Variants in FOXN3 observed in about 807,000 individuals in gnomAD.
The protein encoded by FOXN3 is forkhead box protein N3.
Under a neutral mutation model 38.4 loss-of-function variants are expected in FOXN3, and 7 were observed. That is an observed-to-expected ratio of 0.18 (90% CI 0.10 to 0.34). FOXN3 has a LOEUF of 0.34. FOXN3 is among the 10% of genes least tolerant of loss of function. The pLI is 1.00. For missense variants in FOXN3, 456 were observed against 613.4 expected (o/e 0.74, Z 2.71); for synonymous variants, 230 against 242.2 (o/e 0.95, Z 0.47).
intron 1 of FOXN3, among the ~76,000 whole-genome samples, chr14:89,532,318 G>A (rs958644175): frequency 1.1e-4 from 17 of 152,292 alleles, no homozygotes; most frequent in African/African-American, 4.1e-4. Context: ...TCTTCCAAGA[G>A]ACATCATCAG....
chr14:89,277,712 C>T (rs751202463), intron 4 of FOXN3, among the ~76,000 whole-genome samples: 4 of 152,144 alleles, frequency 2.6e-5, no homozygotes, highest in Admixed American at 6.5e-5. Flanking sequence ...AACCAAACAA[C>T]GATTTGACAA....
In FOXN3 at chr14:89,184,571, A is replaced by G. The variant is rs539523233; in HGVS notation, c.746-3765T>C. Among the ~76,000 whole-genome samples, 76 of 152,364 alleles carry G rather than the reference A, an allele frequency of 5.0e-4. 1 individual carries two copies. Among genetic ancestry groups the G allele is most frequent in the African/African-American group, 1.7e-3 (70 of 41,598 alleles). On this transcript the variant is annotated intron_variant, in intron 4 of 5. Transcript: ENST00000557258. ...CTCACGGAACCCTCAGGGATGAGGT[A>G]TACTGCAGTGGTTAAGAGTGTGAGC...
At chr14:89,426,900 C>T (rs2140110587) in intron 1 of FOXN3, among the ~76,000 whole-genome samples, 1 of 152,136 alleles carries the variant, frequency 6.6e-6, no homozygotes, top group South Asian at 2.1e-4. Context: ...AAGGACAGGA[C>T]CCGTGGGGTA....
chr14:89,225,612 T>A (rs894503463), intron 4 of FOXN3, among the ~76,000 whole-genome samples: 7 of 151,974 alleles, frequency 4.6e-5, no homozygotes, highest in East Asian at 3.9e-4. Flanking sequence ...TCAAAAAAAA[T>A]AAAAATAAAA....
intron 4 of FOXN3, among the ~76,000 whole-genome samples, chr14:89,198,414 C>G (rs1220345837): frequency 6.6e-6 from 1 of 152,002 alleles, no homozygotes; most frequent in Non-Finnish European, 1.5e-5. Context: ...CCATGGATAC[C>G]GAGGGATGAC....
intron 1 of FOXN3, among the ~76,000 whole-genome samples, chr14:89,427,953 T>C (rs1162088254): frequency 5.9e-5 from 9 of 152,182 alleles, no homozygotes; most frequent in African/African-American, 2.2e-4. Flanking sequence ...CCAAAGTTTT[T>C]AAGAGATTTT....
intron 1 of FOXN3, among the ~76,000 whole-genome samples, chr14:89,441,483 C>T (rs1026038044): frequency 6.6e-6 from 1 of 152,216 alleles, no homozygotes; most frequent in Non-Finnish European, 1.5e-5. Flanking sequence ...ACCAACGGAA[C>T]ACATTGCCTT....
At chr14:89,256,016 G>A (rs529414819) in intron 4 of FOXN3, among the ~76,000 whole-genome samples, 2 of 152,206 alleles carry the variant, frequency 1.3e-5, no homozygotes, top group East Asian at 3.9e-4. Context: ...GGGCAGGGTG[G>A]AGGTGGGTCT....
chr14:89,305,997 T>C (rs1458025863), intron 3 of FOXN3, among the ~76,000 whole-genome samples: 3 of 152,244 alleles, frequency 2.0e-5, no homozygotes, highest in Non-Finnish European at 4.4e-5. Context: ...TTAAAATACA[T>C]ATATATTTGC....
chr14:89,453,559 CA>C lies in FOXN3; in HGVS notation c.-14-41070del, dbSNP rs35296047. On this transcript the variant is annotated intron_variant, in intron 1 of 6. Coordinates refer to the FOXN3 transcript ENST00000345097. ...TGGGCGACACAGCAAGACTCCGTCT[CA>C]AAAAAAAAAAAAAAAAAAAGCTGCA... Among the ~76,000 whole-genome samples, 168 of 72,746 alleles carry C rather than the reference CA, an allele frequency of 2.3e-3. 1 individual carries two copies. In the East Asian group the frequency reaches 0.042, roughly 18 times the overall value. 47.7% of individuals were successfully genotyped at this position (72,746 alleles called of 152,430 possible). A position where few individuals can be genotyped will look rare whatever the true frequency, so the allele number is the denominator to read the frequency against.
chr14:89,341,255 C>T (rs1454563116), intron 3 of FOXN3, among the ~76,000 whole-genome samples: 1 of 152,202 alleles, frequency 6.6e-6, no homozygotes, highest in African/African-American at 2.4e-5. Context: ...ATGTGCCTGG[C>T]ACACTGTCAG....
intron 5 of FOXN3, among the ~76,000 whole-genome samples, chr14:89,179,538 T>C (rs1887609138): frequency 6.6e-6 from 1 of 152,138 alleles, no homozygotes; most frequent in African/African-American, 2.4e-5. Flanking sequence ...ACAGGCTTTT[T>C]CTAAACAAGC....
chr14:89,369,189 G>A (rs1006399459), intron 2 of FOXN3, among the ~76,000 whole-genome samples: 1 of 152,154 alleles, frequency 6.6e-6, no homozygotes, highest in Non-Finnish European at 1.5e-5. Flanking sequence ...TCCAAAAACA[G>A]CCAGCTTTTG....
intron 3 of FOXN3, among the ~76,000 whole-genome samples, chr14:89,296,907 G>T (rs749535093): frequency 9.9e-5 from 15 of 152,164 alleles, no homozygotes; most frequent in Non-Finnish European, 2.1e-4. Context: ...AAAGTGCTGG[G>T]ATTACAGATG....
At chr14:89,185,829 G>A (rs568245136) in intron 4 of FOXN3, 2 of 152,360 alleles carry the variant, frequency 1.3e-5, no homozygotes, top group East Asian at 3.9e-4. Flanking sequence ...CTAGCAAGAG[G>A]GCAACCTTCA....
intron 2 of FOXN3, among the ~76,000 whole-genome samples, chr14:89,376,092 A>C (rs987471061): frequency 1.3e-5 from 2 of 152,086 alleles, no homozygotes; most frequent in Admixed American, 6.6e-5. Context: ...CTCCAGTTTC[A>C]GTTTTTAAAT....
At chr14:89,610,074 C>T (rs993574291) in intron 1 of FOXN3, among the ~76,000 whole-genome samples, 5 of 152,134 alleles carry the variant, frequency 3.3e-5, no homozygotes, top group Admixed American at 3.3e-4. Context: ...CTGCCAGGAT[C>T]TTCATGTTGA....
At chr14:89,290,931 G>A in intron 3 of FOXN3, 2 of 314,508 alleles carry the variant, frequency 6.4e-6, no homozygotes, top group Non-Finnish European at 1.2e-5. Context: ...GTGGAGAAAG[G>A]TCAGGCCCTC....
intron 3 of FOXN3, among the ~76,000 whole-genome samples, chr14:89,297,461 G>A (rs2139941984): frequency 6.6e-6 from 1 of 151,652 alleles, no homozygotes; most frequent in East Asian, 1.9e-4. Context: ...TCAGGAGGCT[G>A]AGGCGAGAGA....
Sources: gnomAD v4.1 joint callset for allele counts (sites outside exome capture counted in the v4.1 genomes callset) on GRCh38, gnomAD v4.1.1 for gene constraint, MANE v1.5 for transcripts, NCBI Gene and HGNC (gene_info 2026-07-23, HGNC 2026-07-21) for gene names.